XPR1: variants seen among roughly 807,000 people sequenced by gnomAD.
XPR1 encodes xenotropic and polytropic retrovirus receptor 1.
Under a neutral mutation model 87.5 loss-of-function variants are expected in XPR1, and 28 were observed. The ratio of observed to expected loss-of-function variants is 0.32; its 90% CI spans 0.24 to 0.44. The LOEUF (loss-of-function observed/expected upper bound fraction) is 0.44, where lower values mean the gene tolerates loss of function less well. Ranked by LOEUF, XPR1 falls within the 20% of genes least tolerant of loss-of-function variation. XPR1 has a pLI of 1.00. For missense variants in XPR1, 559 were observed against 862.3 expected, an observed-to-expected ratio of 0.65 and a Z score of 4.41; for synonymous variants, 300 against 306.1, an observed-to-expected ratio of 0.98 and a Z score of 0.21.
chr1:180,801,027 C>A (rs1386021671), intron 3 of XPR1, among the ~76,000 whole-genome samples: 1 of 152,166 alleles, frequency 6.6e-6, no homozygotes, highest in Non-Finnish European at 1.5e-5. Flanking sequence ...CTAGGGATAA[C>A]CATGATCAAT....
At chr1:180,734,211 C>T (rs896334420) in intron 2 of XPR1, among the ~76,000 whole-genome samples, 1 of 152,108 alleles carries the variant, frequency 6.6e-6, no homozygotes, top group Non-Finnish European at 1.5e-5. Flanking sequence ...AGTTTAGGGC[C>T]TGCTGCTTGC....
intron 11 of XPR1, among the ~76,000 whole-genome samples, chr1:180,840,849 T>C (rs1361570149): frequency 6.6e-6 from 1 of 151,984 alleles, no homozygotes; most frequent in Non-Finnish European, 1.5e-5. Context: ...CTGAGTTAGA[T>C]GCATGACCAG....
chr1:180,696,198 GTGTGTGTGTGTATATATATATA>G (rs1557961668), intron 2 of XPR1, among the ~76,000 whole-genome samples: 3 of 115,864 alleles, frequency 2.6e-5, no homozygotes, highest in African/African-American at 3.6e-5. Context: ...GTGTGTGTGT[GTGTGTGTGTGTATATATATATA>G]TATATATATA....
chr1:180,855,213 T>C (rs575797797), intron 11 of XPR1, among the ~76,000 whole-genome samples: 27 of 152,224 alleles, frequency 1.8e-4, no homozygotes, highest in Non-Finnish European at 3.4e-4. Context: ...AAGAAAAAAA[T>C]TGTGTATATA....
chr1:180,846,239 G>A (rs1384021075), intron 11 of XPR1, among the ~76,000 whole-genome samples: 4 of 143,420 alleles, frequency 2.8e-5, no homozygotes, highest in Non-Finnish European at 6.0e-5. Context: ...TCTAGCCTGG[G>A]CTACAGAGTG....
At chr1:180,827,467 A>G (rs1022158434) in intron 9 of XPR1, among the ~76,000 whole-genome samples, 11 of 152,232 alleles carry the variant, frequency 7.2e-5, no homozygotes, top group African/African-American at 2.2e-4. Context: ...AGTTACTCCT[A>G]TTAGCAGAAT....
chr1:180,806,841 T>G (rs1650008857), intron 6 of XPR1, among the ~76,000 whole-genome samples: 1 of 152,144 alleles, frequency 6.6e-6, no homozygotes, highest in African/African-American at 2.4e-5. Context: ...AAAAAAATGA[T>G]CTGGTGGGTT....
chr1:180,696,999 A>G (rs2101965532), intron 2 of XPR1, among the ~76,000 whole-genome samples: 1 of 152,214 alleles, frequency 6.6e-6, no homozygotes, highest in Non-Finnish European at 1.5e-5. Context: ...GCCTTGTAGA[A>G]TGAGTTAGGA....
chr1:180,817,461 C>T (rs1650451814), intron 7 of XPR1, among the ~76,000 whole-genome samples: 2 of 152,178 alleles, frequency 1.3e-5, no homozygotes, highest in Admixed American at 6.5e-5. Flanking sequence ...GTACCCTATA[C>T]AGGTGTACCA....
At chr1:180,767,104 A>T (rs994782565) in intron 2 of XPR1, among the ~76,000 whole-genome samples, 28 of 152,158 alleles carry the variant, frequency 1.8e-4, no homozygotes, top group African/African-American at 6.8e-4. Flanking sequence ...GAGCCTACAA[A>T]TGGCTATTTG....
rs138656075 is a variant in XPR1, at chr1:180,655,809, C to G, written c.69+23539C>G. 7.8e-3 allele frequency among the ~76,000 whole-genome samples: 1,184 copies of G among 151,760 alleles called. 4 individuals carry two copies. Among genetic ancestry groups the G allele is most frequent in the Non-Finnish European group, 0.014 (956 of 67,896 alleles). On this transcript the variant is annotated intron_variant, in intron 1 of 14. Coordinates refer to ENST00000367590, the MANE Select transcript of XPR1 (RefSeq NM_004736.4). ...ATTATCCTTGATTACTGAGTACCAT[C>G]TTTTTTTAATTTTTAATTTTTGTGG...
At chr1:180,840,784 T>A (rs1157200671) in intron 11 of XPR1, among the ~76,000 whole-genome samples, 5 of 151,840 alleles carry the variant, frequency 3.3e-5, no homozygotes, top group Admixed American at 3.3e-4. Context: ...AAAATTGAAA[T>A]ATATATATAT....
intron 2 of XPR1, among the ~76,000 whole-genome samples, chr1:180,758,211 A>T (rs942282619): frequency 3.2e-4 from 48 of 152,006 alleles, no homozygotes; most frequent in Non-Finnish European, 5.4e-4. Context: ...ATGGACCTGC[A>T]GGCCATTGTG....
At chr1:180,659,193 TCTTCCTTC>T (rs550840483) in intron 1 of XPR1, among the ~76,000 whole-genome samples, 2,073 of 79,636 alleles carry the variant, frequency 0.026, 74 homozygotes, top group East Asian at 0.044. Flanking sequence ...CTGTAGTCAG[TCTTCCTTC>T]CTTCCTTCCT....
chr1:180,884,104 A>G lies in XPR1; in HGVS notation c.*38A>G. On this transcript the variant is annotated 3_prime_UTR_variant, in exon 15 of 15. Coordinates refer to ENST00000367590, the MANE Select transcript of XPR1 (RefSeq NM_004736.4). ...CTAGCTTAACATCTTTGGTTTTCCT[A>G]CTCTACAATCCTTTCCTCGACCAAC... 1 of 1,602,018 alleles carries G rather than the reference A, an allele frequency of 6.2e-7. No individual in the cohort carries two copies. The highest frequency in any genetic ancestry group is 8.5e-7 in the Non-Finnish European group (1 of 1,169,880).
chr1:180,853,626 G>GACACACACACACACACACACAC (rs143320476), intron 11 of XPR1, among the ~76,000 whole-genome samples: 22 of 140,328 alleles, frequency 1.6e-4, no homozygotes, highest in Non-Finnish European at 2.5e-4. Flanking sequence ...TTAGACTATA[G>GACACACACACACACACACACAC]ACACACACAC....
chr1:180,804,962 TTATTG>T (rs1649936256), intron 4 of XPR1, among the ~76,000 whole-genome samples: 1 of 152,218 alleles, frequency 6.6e-6, no homozygotes, highest in African/African-American at 2.4e-5. Flanking sequence ...TTGTTAAATT[TTATTG>T]TATTAACTTT....
intron 2 of XPR1, among the ~76,000 whole-genome samples, chr1:180,746,526 G>A (rs1008761062): frequency 1.3e-5 from 2 of 151,986 alleles, no homozygotes; most frequent in Non-Finnish European, 2.9e-5. Flanking sequence ...CAGTTGATGG[G>A]CACTTAGGTT....
At chr1:180,798,678 A>G (rs1030893665) in intron 3 of XPR1, among the ~76,000 whole-genome samples, 3 of 152,026 alleles carry the variant, frequency 2.0e-5, no homozygotes, top group Admixed American at 6.6e-5. Context: ...TGGTGGCACA[A>G]TCTCGGCTCA....
Sources: gnomAD v4.1 joint callset for allele counts (sites outside exome capture counted in the v4.1 genomes callset) on GRCh38, gnomAD v4.1.1 for gene constraint, MANE v1.5 for transcripts, NCBI Gene and HGNC (gene_info 2026-07-23, HGNC 2026-07-21) for gene names.